ELMO1: variants seen among roughly 807,000 people sequenced by gnomAD.
ELMO1 encodes the protein engulfment and cell motility protein 1.
ELMO1 carries 26 observed loss-of-function variants against 98.9 expected under a neutral mutation model. The ratio of observed to expected loss-of-function variants is 0.26; its 90% confidence interval spans 0.19 to 0.36. The LOEUF (loss-of-function observed/expected upper bound fraction) is 0.36. Ranked by LOEUF, ELMO1 falls within the 10% of genes least tolerant of loss-of-function variation. The pLI, the probability that ELMO1 is intolerant of heterozygous loss-of-function variation, is 1.00. For missense variants in ELMO1, 627 were observed against 935.2 expected, an observed-to-expected ratio of 0.67 and a Z score of 4.30; for synonymous variants, 346 against 346.0, an observed-to-expected ratio of 1.00 and a Z score of 0.00.
At position 37,081,584 on chromosome 7, in the gene ELMO1, T is replaced by A. The variant is rs368575810; in HGVS notation, c.1300+15035A>T. Among the ~76,000 whole-genome samples the A allele has an allele frequency of 2.0e-5, 3 of 152,190 alleles. No homozygotes were observed. In the East Asian group the frequency reaches 5.8e-4, roughly 29 times the overall value. Reference sequence around the variant, plus strand: ...TCCTTACTGTTTTCATGGTAGTGAATAAGCAAGTCTCACGAGACAAGGGGA... The same window carrying A: ...TCCTTACTGTTTTCATGGTAGTGAAAAAGCAAGTCTCACGAGACAAGGGGA... On this transcript the variant is annotated intron_variant, in intron 15 of 21. Transcript: ENST00000310758.
At position 37,191,983 on chromosome 7, in the gene ELMO1, T is replaced by A. The variant is rs192907304; in HGVS notation, c.1086+19403A>T. On this transcript the variant is annotated intron_variant, in intron 13 of 21. Coordinates refer to ENST00000310758, the MANE Select transcript of ELMO1 (RefSeq NM_014800.11). ...TTTATCCAGGTGTACTGAGGACACA[T>A]GGAAATGTTAGGAAATCAAACATAG... is the stretch of plus-strand genomic sequence containing the variant. 2.4e-3 allele frequency among the ~76,000 whole-genome samples: 368 copies of A among 152,304 alleles called. 2 individuals are homozygous for A. Among genetic ancestry groups the A allele is most frequent in the Middle Eastern group, 0.017 (5 of 294 alleles).
intron 15 of ELMO1, among the ~76,000 whole-genome samples, chr7:37,020,656 G>A (rs1209397236): frequency 6.6e-6 from 1 of 151,778 alleles, no homozygotes; most frequent in East Asian, 1.9e-4. Context: ...CTATGACCTT[G>A]GTGATGCTAA....
chr7:37,317,672 G>C (rs972969205), intron 2 of ELMO1, among the ~76,000 whole-genome samples: 1 of 152,170 alleles, frequency 6.6e-6, no homozygotes, highest in Admixed American at 6.5e-5. Flanking sequence ...ACCAGAAGCT[G>C]TGAAGGGTAG....
At chr7:37,145,658 G>A (rs117811494) in intron 13 of ELMO1, among the ~76,000 whole-genome samples, 5 of 152,314 alleles carry the variant, frequency 3.3e-5, no homozygotes, top group East Asian at 3.9e-4. Context: ...CTTTATTAGC[G>A]TGGATAATAA....
At chr7:37,078,743 A>T (rs1302965015) in intron 15 of ELMO1, among the ~76,000 whole-genome samples, 1 of 152,220 alleles carries the variant, frequency 6.6e-6, no homozygotes, top group Non-Finnish European at 1.5e-5. Context: ...AATATCCTTA[A>T]ATATCCTGCA....
At position 37,181,266 on chromosome 7, in the gene ELMO1, C is replaced by T. The variant is rs888763545; in HGVS notation, c.1086+30120G>A. Among the ~76,000 whole-genome samples, 3 of 152,062 alleles carry T rather than the reference C, an allele frequency of 2.0e-5. No homozygotes were observed. In the East Asian group the frequency reaches 5.8e-4, roughly 29 times the overall value. On this transcript the variant is annotated intron_variant, in intron 13 of 21. Coordinates refer to ENST00000310758, the MANE Select transcript of ELMO1 (RefSeq NM_014800.11). Reference sequence around the variant, plus strand: ...GCAGCCTCCCTAAAACAGGGGTCAACTTTTTGTCCTGAGAACCGTCTCTGA... The same window carrying T: ...GCAGCCTCCCTAAAACAGGGGTCAATTTTTTGTCCTGAGAACCGTCTCTGA...
At chr7:36,889,781 A>G (rs1805392166) in intron 17 of ELMO1, among the ~76,000 whole-genome samples, 1 of 152,240 alleles carries the variant, frequency 6.6e-6, no homozygotes, top group South Asian at 2.1e-4. Context: ...CACTATCAGA[A>G]TAAGAGAATC....
At chr7:36,937,299 TCA>T (rs1786628177) in intron 16 of ELMO1, among the ~76,000 whole-genome samples, 1 of 152,092 alleles carries the variant, frequency 6.6e-6, no homozygotes, top group Admixed American at 6.5e-5. Context: ...ATGAAGACAG[TCA>T]CACAGGGAGA....
chr7:37,013,559 G>T, intron 15 of ELMO1, 124 bp from the exon 16 acceptor site: 1 of 1,196,262 alleles, frequency 8.4e-7, no homozygotes. Context: ...CAATAATGGT[G>T]AAAAAGTATT....
intron 20 of ELMO1, 46 bp from the exon 21 acceptor site, chr7:36,861,782 T>C (rs1171712474): frequency 6.3e-7 from 1 of 1,592,856 alleles, no homozygotes; most frequent in Non-Finnish European, 8.6e-7. Flanking sequence ...AATCGGCACA[T>C]TTCATTTTGC....
intron 6 of ELMO1, among the ~76,000 whole-genome samples, chr7:37,256,530 GGAAGGAAGGAAA>G (rs1335219102): frequency 2.2e-5 from 3 of 137,632 alleles, no homozygotes; most frequent in African/African-American, 8.6e-5. Context: ...GAGGAAGGAA[GGAAGGAAGGAAA>G]GAAGGAAGAA....
intron 13 of ELMO1, among the ~76,000 whole-genome samples, chr7:37,169,842 C>G (rs1584757053): frequency 6.6e-6 from 1 of 152,164 alleles, no homozygotes; most frequent in Admixed American, 6.5e-5. Flanking sequence ...CAATTCTCAT[C>G]TGAAACACTA....
Position 37,224,880 on chromosome 7 carries a change from C to T in ELMO1, c.700G>A (p.Gly234Arg), listed in dbSNP as rs1793779547. 2.5e-6 allele frequency: 4 copies of T among 1,613,686 alleles called. No individual in the cohort carries two copies. The highest frequency in any genetic ancestry group is 3.4e-6 in the Non-Finnish European group (4 of 1,179,808). The change falls in exon 9 of 22, where the codon GGG becomes AGG. Residue 234 changes from glycine to arginine, a missense_variant and splice_region_variant. Transcript: ENST00000310758. ...CCCAGAGCATCTTGGCATGCTTACC[C>T]TTGCAGGTGTGGAATGAGCTGGCCG... ...TIGQLIPHLQ[G>R]SDQEIQTYTI...
At chr7:37,096,838 C>T (rs996512493) in intron 14 of ELMO1, 111 bp from the exon 15 acceptor site, 32 of 1,002,870 alleles carry the variant, frequency 3.2e-5, no homozygotes, top group South Asian at 1.3e-4. Context: ...GATCCCCAAA[C>T]GAAGACTCTT....
chr7:37,023,327 TATC>T (rs1440743083), intron 15 of ELMO1, among the ~76,000 whole-genome samples: 1 of 152,238 alleles, frequency 6.6e-6, no homozygotes, highest in Non-Finnish European at 1.5e-5. Flanking sequence ...ATATCCTGTC[TATC>T]CAGTAGACAA....
At chr7:37,260,560 C>G (rs991258673) in intron 5 of ELMO1, among the ~76,000 whole-genome samples, 12 of 152,146 alleles carry the variant, frequency 7.9e-5, no homozygotes, top group Non-Finnish European at 1.8e-4. Flanking sequence ...CAGAGCCCTC[C>G]CTCCCTGCCC....
At chr7:36,876,151 C>G (rs1236424215) in intron 19 of ELMO1, among the ~76,000 whole-genome samples, 2 of 152,200 alleles carry the variant, frequency 1.3e-5, no homozygotes, top group Non-Finnish European at 2.9e-5. Flanking sequence ...TTCCACATCG[C>G]TGGGCTCTGG....
chr7:37,428,029 G>GT (rs1804777996), intron 1 of ELMO1, among the ~76,000 whole-genome samples: 3 of 40,782 alleles, frequency 7.4e-5, no homozygotes, highest in African/African-American at 1.8e-4. Context: ...TGTATGCTTG[G>GT]GGTGTGTGTG....
At chr7:37,006,062 T>G (rs775009104) in intron 16 of ELMO1, among the ~76,000 whole-genome samples, 1 of 152,216 alleles carries the variant, frequency 6.6e-6, no homozygotes, top group Non-Finnish European at 1.5e-5. Context: ...GGCATTTTTA[T>G]GTACTGTCCC....
Sources: gnomAD v4.1 joint callset for allele counts (sites outside exome capture counted in the v4.1 genomes callset) on GRCh38, gnomAD v4.1.1 for gene constraint, MANE v1.5 for transcripts, NCBI Gene and HGNC (gene_info 2026-07-23, HGNC 2026-07-21) for gene names.